The following PCDH7 variants were observed in gnomAD, a reference collection of about 807,000 sequenced individuals.
The protein encoded by PCDH7 is protocadherin-7.
A neutral mutation model predicts 58.9 loss-of-function variants in PCDH7; 17 were observed. The observed-to-expected ratio is 0.29, with a 90% CI of 0.20 to 0.43. The LOEUF (loss-of-function observed/expected upper bound fraction) is 0.43, where lower values mean the gene tolerates loss of function less well. Among genes scored for constraint, PCDH7 ranks in the 20% least tolerant of loss-of-function variants. PCDH7 has a pLI of 1.00. For synonymous variants in PCDH7, 664 were observed against 616.4 expected, an observed-to-expected ratio of 1.08 and a Z score of -1.14; for missense variants, 1,274 against 1,441.0, an observed-to-expected ratio of 0.88 and a Z score of 1.88.
intron 1 of PCDH7, among the ~76,000 whole-genome samples, chr4:30,873,866 T>C (rs1735936483): frequency 6.6e-6 from 1 of 152,044 alleles, no homozygotes; most frequent in African/African-American, 2.4e-5. Context: ...TTTATTTATT[T>C]ATAATTTAAG....
At chr4:30,905,969 A>T (rs893414816) in intron 1 of PCDH7, among the ~76,000 whole-genome samples, 1 of 152,208 alleles carries the variant, frequency 6.6e-6, no homozygotes, top group African/African-American at 2.4e-5. Flanking sequence ...GGTAGGGAAG[A>T]TTTAAACAAA....
intron 1 of PCDH7, among the ~76,000 whole-genome samples, chr4:30,902,364 T>A (rs543067269): frequency 1.3e-5 from 2 of 152,114 alleles, no homozygotes; most frequent in Non-Finnish European, 2.9e-5. Flanking sequence ...TAATTCATGA[T>A]CTGCCAATGT....
intron 1 of PCDH7, among the ~76,000 whole-genome samples, chr4:30,747,354 T>C (rs1425275047): frequency 6.6e-6 from 1 of 152,080 alleles, no homozygotes; most frequent in Non-Finnish European, 1.5e-5. Context: ...TTATAATGAA[T>C]GCAGTGTCCG....
chr4:30,989,695 A>G (rs916300171), intron 3 of PCDH7, among the ~76,000 whole-genome samples: 1 of 152,204 alleles, frequency 6.6e-6, no homozygotes, highest in East Asian at 1.9e-4. Context: ...TTAGAGATTC[A>G]TAACCAAGCT....
Position 30,721,336 on chromosome 4 carries a change from G to A in PCDH7, c.-87G>A. 1.6e-6 allele frequency: 2 copies of A among 1,284,626 alleles called. No individual in the cohort carries two copies. The highest frequency in any genetic ancestry group is 2.1e-6 in the Non-Finnish European group (2 of 966,182). The allele number at this position is 1,284,626 out of a possible 1,614,324, so 79.6% of individuals were successfully genotyped here. On this transcript the variant is annotated 5_prime_UTR_variant, in exon 1 of 2. Coordinates refer to ENST00000361762, the Ensembl canonical transcript of PCDH7. This position sits in a 1 kb window ranked among gnomAD's most constrained non-coding sequence, Gnocchi z 6.7. ...CTTTCCGGGAGAGGGGAGAGGACTC[G>A]GGGGAGGGCAGGCGGCCGGCCCCGG...
intron 1 of PCDH7, among the ~76,000 whole-genome samples, chr4:30,753,372 T>C (rs943074662): frequency 1.3e-5 from 2 of 152,370 alleles, no homozygotes; most frequent in Non-Finnish European, 2.9e-5. Context: ...GGGAACAGCA[T>C]ATTTTCTTGA....
rs528830530 is a variant in PCDH7 at position 30,952,751 on chromosome 4, A to G, written c.*7+2536A>G. Reference sequence around the variant, plus strand: ...TGATTTGTGTACACTGTATGTTTTTAGGACTTTTTCTGTGACAACAGTTTT... The same window carrying G: ...TGATTTGTGTACACTGTATGTTTTTGGGACTTTTTCTGTGACAACAGTTTT... On this transcript the variant is annotated intron_variant, in intron 3 of 3. Coordinates refer to the PCDH7 transcript ENST00000509759. Among the ~76,000 whole-genome samples, 410 of 152,282 alleles carry G rather than the reference A, an allele frequency of 2.7e-3. 2 individuals carry two copies. The highest frequency in any genetic ancestry group is 9.4e-3 in the African/African-American group (389 of 41,582).
chr4:30,738,077 C>G (rs1178634802), intron 1 of PCDH7, among the ~76,000 whole-genome samples: 1 of 152,084 alleles, frequency 6.6e-6, no homozygotes, highest in East Asian at 1.9e-4. Context: ...TCTGGTGTCT[C>G]TTCCTCTTTT....
chr4:31,002,960 A>G (rs920695567), intron 3 of PCDH7, among the ~76,000 whole-genome samples: 10 of 152,186 alleles, frequency 6.6e-5, no homozygotes, highest in African/African-American at 2.2e-4. Flanking sequence ...CCTAAACTTT[A>G]GCTCTGAGTA....
At chr4:31,124,183 C>A (rs1718019271) in intron 3 of PCDH7, among the ~76,000 whole-genome samples, 2 of 152,178 alleles carry the variant, frequency 1.3e-5, no homozygotes, top group Admixed American at 1.3e-4. Context: ...ACCTTGCACT[C>A]TTCTACGCAG....
intron 1 of PCDH7, among the ~76,000 whole-genome samples, chr4:30,804,481 G>A (rs1446705179): frequency 1.3e-5 from 2 of 151,242 alleles, no homozygotes; most frequent in Admixed American, 6.6e-5. Context: ...AGAGGTTGCA[G>A]TGAACAGAGA....
chr4:31,140,186 A>G (rs572929044), intron 3 of PCDH7, among the ~76,000 whole-genome samples: 1 of 152,336 alleles, frequency 6.6e-6, no homozygotes, highest in East Asian at 1.9e-4. Flanking sequence ...TTGTTTGAGC[A>G]TGAATATAGA....
intron 1 of PCDH7, among the ~76,000 whole-genome samples, chr4:30,897,712 T>C (rs1739628258): frequency 1.3e-5 from 2 of 152,222 alleles, no homozygotes; most frequent in African/African-American, 4.8e-5. Flanking sequence ...GCCGAACTAA[T>C]TAAAGCACAC....
At chr4:30,816,004 T>C (rs1206722302) in intron 1 of PCDH7, among the ~76,000 whole-genome samples, 3 of 152,154 alleles carry the variant, frequency 2.0e-5, no homozygotes, top group East Asian at 3.9e-4. Flanking sequence ...AGTGAACTCA[T>C]TCAATAAATT....
chr4:30,724,260 T>G, exon 1 of PCDH7: 1 of 1,613,456 alleles, frequency 6.2e-7, no homozygotes, highest in Non-Finnish European at 8.5e-7. Flanking sequence ...CTAAGCAGCC[T>G]CTCTACAGCA....
rs372803122 is a variant in PCDH7 at position 30,791,081 on chromosome 4, A to C, written c.70+66485A>C. On this transcript the variant is annotated intron_variant, in intron 1 of 3. Coordinates refer to the PCDH7 transcript ENST00000509759. ...AATTTGTGTCAAAAAACATTTTGAA[A>C]ATGAGTATCTTGCCACTGGAACCTA... 5.6e-4 allele frequency among the ~76,000 whole-genome samples: 86 copies of C among 152,278 alleles called. 3 individuals carry two copies. The South Asian group carries it at 0.018, about 32-fold the overall frequency.
intron 1 of PCDH7, among the ~76,000 whole-genome samples, chr4:30,851,043 T>A (rs565985954): frequency 6.6e-6 from 1 of 152,080 alleles, no homozygotes; most frequent in Non-Finnish European, 1.5e-5. Context: ...TAAAATTTTA[T>A]AGGACTACTT....
At chr4:30,896,889 CTTTTTTTTTTTTTTTT>C (rs71190474) in intron 1 of PCDH7, among the ~76,000 whole-genome samples, 42 of 27,346 alleles carry the variant, frequency 1.5e-3, no homozygotes, top group East Asian at 9.7e-3. Context: ...TAGTTCTTTG[CTTTTTTTTTTTTTTTT>C]TTTTTTTTTT....
At chr4:30,837,863 CAATT>C (rs900315287) in intron 1 of PCDH7, among the ~76,000 whole-genome samples, 2 of 145,360 alleles carry the variant, frequency 1.4e-5, no homozygotes, top group South Asian at 2.1e-4. Context: ...TATATATAAT[CAATT>C]ATTTTAAAAA....
Sources: allele counts gnomAD v4.1 joint callset (sites outside exome capture counted in the v4.1 genomes callset), GRCh38; gene constraint gnomAD v4.1.1; non-coding constraint Gnocchi (gnomAD v3.1); transcripts MANE v1.5; gene names NCBI Gene and HGNC (gene_info 2026-07-23, HGNC 2026-07-21).